Variants in EEF2K observed in about 807,000 individuals in gnomAD.
EEF2K encodes the protein eukaryotic elongation factor 2 kinase.
EEF2K carries 70 observed loss-of-function variants against 93.8 expected under a neutral mutation model. The ratio of observed to expected loss-of-function variants is 0.75; its 90% CI spans 0.62 to 0.91. EEF2K has a LOEUF of 0.91. EEF2K is among the 40% of genes least tolerant of loss of function. EEF2K has a pLI of 0.00. For synonymous variants in EEF2K, 376 were observed against 380.8 expected, an observed-to-expected ratio of 0.99 and a Z score of 0.15; for missense variants, 935 against 972.9, an observed-to-expected ratio of 0.96 and a Z score of 0.52.
intron 12 of EEF2K, 157 bp downstream of exon 12, chr16:22,263,344 C>T (rs2047485465): frequency 1.8e-6 from 1 of 568,200 alleles, no homozygotes; most frequent in Non-Finnish European, 2.7e-6. Flanking sequence ...CATGGTGGCT[C>T]ACGCCTGTAA....
chr16:22,236,021 T>C (rs1039558094), intron 2 of EEF2K, among the ~76,000 whole-genome samples: 23 of 152,142 alleles, frequency 1.5e-4, no homozygotes, highest in African/African-American at 5.6e-4. Context: ...CAGGCTGCTC[T>C]GGAACTCCAA....
At position 22,248,612 on chromosome 16, in the gene EEF2K, A is replaced by T. The variant is rs1458867510; in HGVS notation, c.348-143A>T. ...GACAGTGTCTCCAACCCAACCCAGG[A>T]GGTTGGCTGGGCTATGGGCCAAGGT... On this transcript the variant is annotated intron_variant, in intron 3 of 17. Coordinates refer to ENST00000263026, the MANE Select transcript of EEF2K (RefSeq NM_013302.5). The T allele has an allele frequency of 1.3e-5, 11 of 829,372 alleles. No homozygotes were observed. In the Admixed American group the frequency reaches 2.1e-4, roughly 16 times the overall value. 51.4% of individuals were successfully genotyped at this position (829,372 alleles called of 1,614,324 possible).
At chr16:22,234,551 A>G (rs1257934090) in intron 2 of EEF2K, among the ~76,000 whole-genome samples, 2 of 152,020 alleles carry the variant, frequency 1.3e-5, no homozygotes, top group Admixed American at 1.3e-4. Context: ...GAAAAAAAAA[A>G]AAAAATTTTA....
At position 22,248,799 on chromosome 16, in the gene EEF2K, T is replaced by G. The variant is rs1330529038; in HGVS notation, c.392T>G (p.Ile131Ser). The G allele has an allele frequency of 5.0e-6, 8 of 1,613,948 alleles. No homozygotes were observed. Among genetic ancestry groups the G allele is most frequent in the Non-Finnish European group, 6.8e-6 (8 of 1,179,936 alleles). Residue 131 changes from isoleucine to serine, a missense_variant, in exon 4 of 18, where the codon ATC becomes AGC. Ile to Ser is a moderately radical substitution (Grantham distance 142). Transcript: ENST00000263026. ...TGEWLDDEVL[I>S]KMASQPFGRG... ...GAATGGCTGGATGATGAAGTTCTGA[T>G]CAAGATGGCATCTCAGGTGAGCAGA...
At position 22,260,485 on chromosome 16, in the gene EEF2K, G is replaced by A. The variant is rs1377167218; in HGVS notation, c.1255G>A (p.Asp419Asn). The change falls in exon 11 of 18, where the codon GAT becomes AAT. Residue 419 changes from aspartate to asparagine, a missense_variant. Coordinates refer to ENST00000263026, the MANE Select transcript of EEF2K (RefSeq NM_013302.5). The stretch of plus-strand genomic sequence containing the variant: ...AGATTGGCCAGTGTTCAGTGACCTC[G>A]ATAACATGGCATCCAGAGACCATGA... ...HLHWPVFSDL[D>N]NMASRDHDHL... 14 of 1,614,140 alleles carry A rather than the reference G, an allele frequency of 8.7e-6. No individual in the cohort carries two copies. Among genetic ancestry groups the A allele is most frequent in the East Asian group, 4.5e-5 (2 of 44,880 alleles).
chr16:22,224,690 C>T (rs963714221), intron 1 of EEF2K, among the ~76,000 whole-genome samples: 2 of 145,250 alleles, frequency 1.4e-5, no homozygotes, highest in African/African-American at 5.1e-5. Flanking sequence ...TGGTGGCTCA[C>T]GCCTGTAATC....
chr16:22,256,544 A>AT (rs1012359088), intron 6 of EEF2K, among the ~76,000 whole-genome samples: 21 of 152,144 alleles, frequency 1.4e-4, no homozygotes, highest in Non-Finnish European at 2.6e-4. Flanking sequence ...CTAAAAATAT[A>AT]TTTTTTTTAA....
rs138681546 is a variant in EEF2K at position 22,256,791 on chromosome 16, C to G, written c.662C>G (p.Pro221Arg). 36 of 1,613,954 alleles carry G rather than the reference C, an allele frequency of 2.2e-5. No individual in the cohort carries two copies. Among genetic ancestry groups the G allele is most frequent in the Non-Finnish European group, 2.7e-5 (32 of 1,180,016 alleles). The change falls in exon 7 of 18, where the codon CCG becomes CGG. Residue 221 changes from proline (P) to arginine (R), a missense_variant. Coordinates refer to ENST00000263026, the MANE Select transcript of EEF2K (RefSeq NM_013302.5). The part of the protein sequence containing the change: ...QMCIIELKDR[P>R]GKPLFHLEHY... The stretch of plus-strand genomic sequence containing the variant: ...TGCATCATCGAGCTGAAGGACAGAC[C>G]GGGCAAGCCCCTCTTCCACCTGGAG...
intron 11 of EEF2K, among the ~76,000 whole-genome samples, chr16:22,262,001 C>CCACACACACACACACACACACACACA (rs71151667): frequency 1.4e-5 from 2 of 138,018 alleles, no homozygotes; most frequent in African/African-American, 5.4e-5. Flanking sequence ...TGAGACCCTG[C>CCACACACACACACACACACACACACA]CACACACACA....
chr16:22,232,744 G>A (rs2141657108), intron 2 of EEF2K, among the ~76,000 whole-genome samples: 1 of 152,288 alleles, frequency 6.6e-6, no homozygotes, highest in South Asian at 2.1e-4. Context: ...GTGGACGGGA[G>A]TTGGCACTTC....
Position 22,247,037 on chromosome 16 carries a change from CAAAAAAAA to C in EEF2K, c.348-1695_348-1688del, listed in dbSNP as rs57073413. Among the ~76,000 whole-genome samples, 26 of 13,694 alleles carry C rather than the reference CAAAAAAAA, an allele frequency of 1.9e-3. No individual in the cohort carries two copies. In the South Asian group the frequency reaches 0.029, roughly 15 times the overall value. The allele number at this position is 13,694 out of a possible 152,430, so 9.0% of individuals were successfully genotyped here. ...TGGGTGACAGAGCGAGACTCCATCT[CAAAAAAAA>C]AAAAAAAAAAAAAAAAAAAAAAGAA... On this transcript the variant is annotated intron_variant, in intron 3 of 17. Transcript: ENST00000263026.
At chr16:22,250,760 T>G (rs2141669648) in intron 5 of EEF2K, 69 bp downstream of exon 5, 1 of 1,601,520 alleles carries the variant, frequency 6.2e-7, no homozygotes, top group Non-Finnish European at 8.5e-7. Context: ...GCTGAGGCAT[T>G]GGGACATTTT....
At chr16:22,244,941 C>T (rs1012821218) in intron 3 of EEF2K, among the ~76,000 whole-genome samples, 2 of 152,106 alleles carry the variant, frequency 1.3e-5, no homozygotes, top group Non-Finnish European at 2.9e-5. Context: ...ATTAGACAGG[C>T]TAGACTGAGC....
At chr16:22,258,368 C>T (rs988363888) in intron 9 of EEF2K, 126 bp from the exon 10 acceptor site, 12 of 963,124 alleles carry the variant, frequency 1.2e-5, no homozygotes, top group Non-Finnish European at 1.9e-5. Flanking sequence ...AATATATCAG[C>T]TCCTAAACAG....
chr16:22,226,126 G>A (rs1438548590), intron 2 of EEF2K, 151 bp downstream of exon 2: 3 of 1,203,816 alleles, frequency 2.5e-6, no homozygotes, highest in South Asian at 1.6e-5. Context: ...TAAGCAGGGA[G>A]GGTATTATTG....
At chr16:22,216,031 C>A (rs755078417) in intron 1 of EEF2K, among the ~76,000 whole-genome samples, 3 of 152,172 alleles carry the variant, frequency 2.0e-5, no homozygotes, top group East Asian at 1.9e-4. Flanking sequence ...GCAGTGCAGA[C>A]CTTAGGATGT....
At chr16:22,281,326 A>G (rs1353482178) in intron 17 of EEF2K, among the ~76,000 whole-genome samples, 2 of 151,832 alleles carry the variant, frequency 1.3e-5, no homozygotes, top group Admixed American at 1.3e-4. Flanking sequence ...TCCAGCCTGG[A>G]ACTCCTATGC....
At chr16:22,233,662 C>T (rs915708673) in intron 2 of EEF2K, among the ~76,000 whole-genome samples, 1 of 152,166 alleles carries the variant, frequency 6.6e-6, no homozygotes, top group Non-Finnish European at 1.5e-5. Flanking sequence ...TTAGCCTAGG[C>T]AACAGAGCGA....
chr16:22,248,916 A>G (rs2047321368), intron 4 of EEF2K, 101 bp downstream of exon 4: 1 of 1,168,714 alleles, frequency 8.6e-7, no homozygotes, highest in Non-Finnish European at 1.2e-6. Flanking sequence ...ACTTTATTTA[A>G]TTTTTGTAAC....
Sources: gnomAD v4.1 joint callset for allele counts (sites outside exome capture counted in the v4.1 genomes callset) on GRCh38, gnomAD v4.1.1 for gene constraint, MANE v1.5 for transcripts, NCBI Gene and HGNC (gene_info 2026-07-23, HGNC 2026-07-21) for gene names.